The following ARHGAP26 variants were observed in gnomAD, a reference collection of about 807,000 sequenced individuals.
ARHGAP26 encodes Rho GTPase activating protein 26.
ARHGAP26 carries 38 observed loss-of-function variants against 104.8 expected under a neutral mutation model. The ratio of observed to expected loss-of-function variants is 0.36; its 90% CI spans 0.28 to 0.48. The LOEUF (loss-of-function observed/expected upper bound fraction) is 0.48, where lower values mean the gene tolerates loss of function less well. Ranked by LOEUF, ARHGAP26 falls within the 20% of genes least tolerant of loss-of-function variation. The pLI is 0.99. For synonymous variants in ARHGAP26, 341 were observed against 340.0 expected (o/e 1.00, Z -0.03); for missense variants, 704 against 947.9 (o/e 0.74, Z 3.38).
At chr5:143,082,645 G>T (rs758559443) in intron 17 of ARHGAP26, among the ~76,000 whole-genome samples, 2 of 152,166 alleles carry the variant, frequency 1.3e-5, no homozygotes, top group African/African-American at 2.4e-5. Flanking sequence ...CATGTTTCTG[G>T]CTGAGTCTTG....
chr5:142,989,740 T>G (rs957777307), intron 11 of ARHGAP26, among the ~76,000 whole-genome samples: 2 of 152,208 alleles, frequency 1.3e-5, no homozygotes, highest in African/African-American at 4.8e-5. Context: ...GATATGAAAT[T>G]CTGGGTTGAA....
chr5:142,876,649 G>A (rs1343461213), intron 3 of ARHGAP26, among the ~76,000 whole-genome samples: 9 of 151,184 alleles, frequency 6.0e-5, no homozygotes, highest in African/African-American at 1.2e-4. Flanking sequence ...GCATTGTGAC[G>A]TATGCTTGTA....
intron 17 of ARHGAP26, among the ~76,000 whole-genome samples, chr5:143,075,444 A>C (rs1259342133): frequency 1.3e-5 from 2 of 152,014 alleles, no homozygotes; most frequent in African/African-American, 4.8e-5. Flanking sequence ...TTTTTAAAAA[A>C]ATGTTTCTCA....
chr5:142,918,304 G>A (rs1401312628), intron 10 of ARHGAP26, among the ~76,000 whole-genome samples: 4 of 151,864 alleles, frequency 2.6e-5, no homozygotes, highest in Non-Finnish European at 4.4e-5. Context: ...GCACCACCCC[G>A]TCTGGCTAAT....
chr5:142,838,666 G>T (rs1770103352), intron 1 of ARHGAP26, among the ~76,000 whole-genome samples: 1 of 152,140 alleles, frequency 6.6e-6, no homozygotes, highest in Admixed American at 6.5e-5. Context: ...ATATAGTGGG[G>T]CTTATATATT....
At chr5:142,809,951 C>T (rs1763748066) in intron 1 of ARHGAP26, among the ~76,000 whole-genome samples, 1 of 152,194 alleles carries the variant, frequency 6.6e-6, no homozygotes, top group Non-Finnish European at 1.5e-5. Flanking sequence ...ATCATTGCTT[C>T]CCTTTCAGCC....
At chr5:142,935,069 A>G (rs1157991107) in intron 11 of ARHGAP26, among the ~76,000 whole-genome samples, 3 of 152,210 alleles carry the variant, frequency 2.0e-5, no homozygotes, top group Non-Finnish European at 4.4e-5. Flanking sequence ...GATTTTATCT[A>G]CGTAGTAAAT....
intron 1 of ARHGAP26, chr5:142,771,507 C>A (rs1344010473): frequency 2.1e-6 from 2 of 940,974 alleles, no homozygotes; most frequent in Non-Finnish European, 2.8e-6. Context: ...AATCTGGAAT[C>A]AGTACGTGCG....
chr5:143,027,971 T>C (rs915206689), intron 12 of ARHGAP26, among the ~76,000 whole-genome samples: 1 of 152,200 alleles, frequency 6.6e-6, no homozygotes, highest in Non-Finnish European at 1.5e-5. Context: ...ATAGAAATGG[T>C]AGGATCCACA....
intron 20 of ARHGAP26, among the ~76,000 whole-genome samples, chr5:143,200,079 T>C (rs1227502355): frequency 6.6e-6 from 1 of 152,212 alleles, no homozygotes; most frequent in African/African-American, 2.4e-5. Flanking sequence ...GGAAGGGAAT[T>C]GTATTCATTC....
intron 11 of ARHGAP26, among the ~76,000 whole-genome samples, chr5:142,954,470 T>G (rs1264016675): frequency 6.6e-6 from 1 of 152,236 alleles, no homozygotes; most frequent in African/African-American, 2.4e-5. Flanking sequence ...CCTCAACTCT[T>G]CTGGAGTCAT....
intron 14 of ARHGAP26, among the ~76,000 whole-genome samples, chr5:143,045,255 G>T (rs966666767): frequency 5.3e-5 from 8 of 152,214 alleles, no homozygotes; most frequent in Admixed American, 2.0e-4. Context: ...GAGGGCAGCT[G>T]CCTCTGCCAG....
chr5:143,041,877 G>C lies in ARHGAP26; in HGVS notation c.1272G>C (p.Leu424=), dbSNP rs1397647154. 1 of 1,593,092 alleles carries C rather than the reference G, an allele frequency of 6.3e-7. No individual in the cohort carries two copies. The highest frequency in any genetic ancestry group is 1.7e-5 in the Admixed American group (1 of 57,144). ...TCAACTCCAGAGTGCAGAAGTTGCT[G>C]AGTGTCCTGATGGGTGAGTGCCGCA... ...VGVNSRVQKL[L]SVLMDPKTAS... is the part of the protein sequence containing the mutation. Residue 424 remains leucine, a synonymous_variant, in exon 14 of 23, where the codon CTG becomes CTC. Coordinates refer to ENST00000645722, the MANE Select transcript of ARHGAP26 (RefSeq NM_001135608.3).
rs756401821 is a variant in ARHGAP26 at position 143,087,636 on chromosome 5, C to CTTCT, written c.1538+29891_1538+29892insCTTT. ...CTCATCTAATTAACCCTGGCCCATT[C>CTTCT]TTTTTTTTTTTTTTTTTTTTTTTTT... On this transcript the variant is annotated intron_variant, in intron 17 of 22. Coordinates refer to ENST00000645722, the MANE Select transcript of ARHGAP26 (RefSeq NM_001135608.3). Among the ~76,000 whole-genome samples the CTTCT allele has an allele frequency of 1.2e-4, 6 of 51,566 alleles. 1 individual carries two copies. Among genetic ancestry groups the CTTCT allele is most frequent in the East Asian group, 1.7e-3 (2 of 1,166 alleles). The allele number at this position is 51,566 out of a possible 152,430, so 33.8% of individuals were successfully genotyped here. A position where few individuals can be genotyped will look rare whatever the true frequency, so the allele number is the denominator to read the frequency against.
At chr5:143,192,778 T>C (rs1001870357) in intron 20 of ARHGAP26, 1 of 152,182 alleles carries the variant, frequency 6.6e-6, no homozygotes, top group African/African-American at 2.4e-5. Flanking sequence ...CTCAGCACAT[T>C]TGGATTTAAG....
At chr5:142,788,011 T>TTTTTTTAA (rs1759015714) in intron 1 of ARHGAP26, among the ~76,000 whole-genome samples, 1 of 151,390 alleles carries the variant, frequency 6.6e-6, no homozygotes, top group African/African-American at 2.4e-5. Flanking sequence ...TTTTTTTTTT[T>TTTTTTTAA]AAGATGGAGT....
At chr5:143,157,378 A>G (rs552047866) in intron 20 of ARHGAP26, among the ~76,000 whole-genome samples, 3 of 152,084 alleles carry the variant, frequency 2.0e-5, no homozygotes, top group African/African-American at 7.2e-5. Flanking sequence ...GCGTTTCACC[A>G]TGTTGGCCAG....
At chr5:142,803,462 T>G (rs1436537001) in intron 1 of ARHGAP26, among the ~76,000 whole-genome samples, 1 of 152,228 alleles carries the variant, frequency 6.6e-6, no homozygotes, top group African/African-American at 2.4e-5. Context: ...CCATAGCTCC[T>G]GTCCTTTGTT....
At chr5:143,113,040 A>T (rs981625942) in intron 17 of ARHGAP26, among the ~76,000 whole-genome samples, 4 of 152,218 alleles carry the variant, frequency 2.6e-5, no homozygotes, top group Non-Finnish European at 5.9e-5. Flanking sequence ...ACCATACTGG[A>T]TGCTAAAGAG....
Sources: gnomAD v4.1 joint callset for allele counts (sites outside exome capture counted in the v4.1 genomes callset) on GRCh38, gnomAD v4.1.1 for gene constraint, MANE v1.5 for transcripts, NCBI Gene and HGNC (gene_info 2026-07-23, HGNC 2026-07-21) for gene names.